Variants in CDH18 observed in about 807,000 individuals in gnomAD.
CDH18 encodes cadherin-18.
CDH18 carries 31 observed loss-of-function variants against 67.9 expected under a neutral mutation model. The ratio of observed to expected loss-of-function variants is 0.46; its 90% confidence interval spans 0.34 to 0.62. The LOEUF is 0.62. Ranked by LOEUF, CDH18 falls within the 20% of genes least tolerant of loss-of-function variation. CDH18 has a pLI of 0.01. For synonymous variants in CDH18, 362 were observed against 347.2 expected, an observed-to-expected ratio of 1.04 and a Z score of -0.48; for missense variants, 890 against 975.5, an observed-to-expected ratio of 0.91 and a Z score of 1.17.
chr5:20,423,272 TAA>T (rs1748007317), intron 1 of CDH18, among the ~76,000 whole-genome samples: 1 of 151,206 alleles, frequency 6.6e-6, no homozygotes, highest in Non-Finnish European at 1.5e-5. Flanking sequence ...CAGATTCTGA[TAA>T]TGGGATTTTC....
intron 6 of CDH18, among the ~76,000 whole-genome samples, chr5:19,598,583 T>C (rs778845364): frequency 8.5e-5 from 13 of 152,068 alleles, no homozygotes; most frequent in Non-Finnish European, 1.8e-4. Context: ...ACAAACTATA[T>C]TGAAAACAAA....
chr5:19,625,823 G>T (rs1751452463), intron 5 of CDH18, among the ~76,000 whole-genome samples: 1 of 151,518 alleles, frequency 6.6e-6, no homozygotes, highest in Non-Finnish European at 1.5e-5. Flanking sequence ...GAGAAGCCTG[G>T]CCCCTCCTTT....
intron 4 of CDH18, among the ~76,000 whole-genome samples, chr5:19,723,151 C>T (rs1349124741): frequency 2.6e-5 from 4 of 152,036 alleles, no homozygotes; most frequent in Admixed American, 6.6e-5. Context: ...TGCCTGTAAT[C>T]CCAGCTACTT....
intron 11 of CDH18, among the ~76,000 whole-genome samples, chr5:19,490,392 C>CTTTTTTT (rs1561183202): frequency 2.2e-4 from 9 of 40,302 alleles, no homozygotes; most frequent in South Asian, 9.8e-4. Flanking sequence ...ATATAAAAAT[C>CTTTTTTT]TGTTTTTTTT....
intron 2 of CDH18, among the ~76,000 whole-genome samples, chr5:19,917,341 C>T (rs1791928404): frequency 1.3e-5 from 2 of 149,492 alleles, no homozygotes; most frequent in Admixed American, 1.3e-4. Context: ...TTCTTTCCCC[C>T]CCCGCCCCCT....
At chr5:20,365,541 GAT>G in intron 1 of CDH18, among the ~76,000 whole-genome samples, 1 of 152,170 alleles carries the variant, frequency 6.6e-6, no homozygotes, top group East Asian at 1.9e-4. Context: ...TCAGATCATA[GAT>G]ATATGTTTAG....
At chr5:20,211,301 T>G (rs1740333944) in intron 2 of CDH18, among the ~76,000 whole-genome samples, 2 of 152,078 alleles carry the variant, frequency 1.3e-5, no homozygotes, top group Admixed American at 1.3e-4. Flanking sequence ...CTCTGTAGAC[T>G]CCACCTCTGG....
At chr5:19,943,376 G>A (rs1376885052) in intron 2 of CDH18, among the ~76,000 whole-genome samples, 2 of 152,040 alleles carry the variant, frequency 1.3e-5, no homozygotes, top group Non-Finnish European at 2.9e-5. Flanking sequence ...GAGGAAACAT[G>A]AAGCTAAATG....
At chr5:19,520,576 G>T in intron 10 of CDH18, 81 bp downstream of exon 10, 6 of 1,213,700 alleles carry the variant, frequency 4.9e-6, no homozygotes, top group Non-Finnish European at 6.7e-6. Flanking sequence ...GGGCTTTGGG[G>T]GATTATACCT....
intron 1 of CDH18, among the ~76,000 whole-genome samples, chr5:20,495,628 G>A (rs992129867): frequency 3.9e-5 from 6 of 151,948 alleles, no homozygotes; most frequent in Non-Finnish European, 8.8e-5. Flanking sequence ...AATGTCACAG[G>A]AAAAACATAC....
chr5:19,498,952 G>T (rs1742789857), intron 11 of CDH18, among the ~76,000 whole-genome samples: 1 of 152,094 alleles, frequency 6.6e-6, no homozygotes, highest in Non-Finnish European at 1.5e-5. Context: ...TGCTGGTTGA[G>T]CAGCATGTTT....
At chr5:19,759,210 T>C (rs1395768991) in intron 3 of CDH18, among the ~76,000 whole-genome samples, 1 of 152,200 alleles carries the variant, frequency 6.6e-6, no homozygotes, top group African/African-American at 2.4e-5. Flanking sequence ...TAATCCACTC[T>C]CATTCTCCAA....
chr5:19,524,280 G>T (rs868688353), intron 9 of CDH18, among the ~76,000 whole-genome samples: 2 of 149,544 alleles, frequency 1.3e-5, no homozygotes, highest in South Asian at 2.1e-4. Flanking sequence ...TATAGTAAAA[G>T]ATAATATGAT....
chr5:20,380,890 G>A (rs2150100007), intron 1 of CDH18, among the ~76,000 whole-genome samples: 1 of 152,272 alleles, frequency 6.6e-6, no homozygotes, highest in African/African-American at 2.4e-5. Flanking sequence ...AATATGACCT[G>A]CTATGGGCTG....
chr5:20,098,638 A>AT (rs1746190752), intron 2 of CDH18, among the ~76,000 whole-genome samples: 1 of 152,068 alleles, frequency 6.6e-6, no homozygotes, highest in Non-Finnish European at 1.5e-5. Flanking sequence ...GTCATTTTCA[A>AT]TTTTTTCCTT....
intron 5 of CDH18, among the ~76,000 whole-genome samples, chr5:19,638,994 T>TG (rs1333475068): frequency 5.0e-4 from 56 of 111,316 alleles, no homozygotes; most frequent in African/African-American, 1.6e-3. Flanking sequence ...TTTTTTTTTT[T>TG]TTTTTTTTTT....
chr5:20,297,456 G>T (rs1489674098), intron 1 of CDH18, among the ~76,000 whole-genome samples: 2 of 152,180 alleles, frequency 1.3e-5, no homozygotes. Context: ...TCTTACAGAA[G>T]GATCATGGCT....
chr5:20,500,621 T>C (rs751457167), intron 1 of CDH18, among the ~76,000 whole-genome samples: 6 of 152,150 alleles, frequency 3.9e-5, no homozygotes, highest in Non-Finnish European at 8.8e-5. Flanking sequence ...ACTGCTCCTT[T>C]AGTAAGTATG....
chr5:20,010,363 C>A (rs1228107133), intron 2 of CDH18, among the ~76,000 whole-genome samples: 3 of 151,962 alleles, frequency 2.0e-5, no homozygotes, highest in Admixed American at 6.6e-5. Context: ...GCATGCACCA[C>A]CACGCCCCAC....
Sources: allele counts gnomAD v4.1 joint callset (sites outside exome capture counted in the v4.1 genomes callset), GRCh38; gene constraint gnomAD v4.1.1; transcripts MANE v1.5; gene names NCBI Gene and HGNC (gene_info 2026-07-23, HGNC 2026-07-21).